The following TIMD4 variants were observed in gnomAD, a reference collection of about 807,000 sequenced individuals.
TIMD4 encodes T cell immunoglobulin and mucin domain containing 4.
Under a neutral mutation model 41.2 loss-of-function variants are expected in TIMD4, and 31 were observed. The observed-to-expected ratio is 0.75, with a 90% CI of 0.57 to 1.01. The LOEUF is 1.01. Ranked by LOEUF, TIMD4 falls within the 50% of genes least tolerant of loss-of-function variation. The pLI, the probability that TIMD4 is intolerant of heterozygous loss-of-function variation, is 0.00. For missense variants in TIMD4, 479 were observed against 472.5 expected (o/e 1.01, Z -0.13); for synonymous variants, 204 against 177.1 (o/e 1.15, Z -1.21).
intron 3 of TIMD4, among the ~76,000 whole-genome samples, chr5:156,950,396 CAAAGGA>C (rs1759830881): frequency 6.6e-6 from 1 of 151,824 alleles, no homozygotes; most frequent in African/African-American, 2.4e-5. Context: ...TTTTAAAACC[CAAAGGA>C]ATAAAAAAAT....
In TIMD4 at chr5:156,919,513, C is replaced by T. The variant is rs754189682; in HGVS notation, c.1081G>A (p.Val361Ile). 45 of 1,613,882 alleles carry T rather than the reference C, an allele frequency of 2.8e-5. No individual in the cohort carries two copies. Among genetic ancestry groups the T allele is most frequent in the South Asian group, 2.7e-4 (25 of 91,086 alleles). ...RLDYIGDSKN[V>I]LNDVQHGRED... Reference sequence around the variant, plus strand: ...CTTCCATGCTGCACGTCATTGAGGACATTTTTACTATCTCCAATGTAGTCT... The same window carrying T: ...CTTCCATGCTGCACGTCATTGAGGATATTTTTACTATCTCCAATGTAGTCT... The change falls in exon 9 of 9, where the codon GTC becomes ATC. Residue 361 changes from valine (V) to isoleucine (I), a missense_variant. Transcript: ENST00000274532.
chr5:156,951,857 T>C, intron 2 of TIMD4, 67 bp from the exon 3 acceptor site: 1 of 1,590,248 alleles, frequency 6.3e-7, no homozygotes, highest in Non-Finnish European at 8.6e-7. Context: ...AATGCAAGTA[T>C]ATCTGGGACC....
chr5:156,924,382 T>C, intron 6 of TIMD4: 1 of 393,380 alleles, frequency 2.5e-6, no homozygotes, highest in Non-Finnish European at 5.1e-6. Context: ...AAGCCAAAGA[T>C]GTAAAGTTTG....
chr5:156,929,628 A>G (rs1759412302), intron 5 of TIMD4, among the ~76,000 whole-genome samples: 1 of 152,216 alleles, frequency 6.6e-6, no homozygotes, highest in Non-Finnish European at 1.5e-5. Flanking sequence ...GAAGCTAGGA[A>G]GAGGCAAGGA....
intron 5 of TIMD4, among the ~76,000 whole-genome samples, chr5:156,948,023 G>A (rs929874999): frequency 6.6e-6 from 1 of 152,212 alleles, no homozygotes; most frequent in African/African-American, 2.4e-5. Context: ...TTTCAACAGA[G>A]GGACTTCAGA....
At chr5:156,939,075 C>T (rs887715707) in intron 5 of TIMD4, among the ~76,000 whole-genome samples, 3 of 152,184 alleles carry the variant, frequency 2.0e-5, no homozygotes, top group Non-Finnish European at 4.4e-5. Context: ...CACCTCTTCA[C>T]CTCTCTCTTC....
At chr5:156,955,075 T>C (rs957784450) in intron 1 of TIMD4, among the ~76,000 whole-genome samples, 1 of 152,100 alleles carries the variant, frequency 6.6e-6, no homozygotes, top group African/African-American at 2.4e-5. Flanking sequence ...AGACAGGGTT[T>C]CCCATGTTGC....
chr5:156,960,186 C>T (rs1293361816), intron 1 of TIMD4, among the ~76,000 whole-genome samples: 1 of 152,102 alleles, frequency 6.6e-6, no homozygotes, highest in Non-Finnish European at 1.5e-5. Context: ...CAGTGTCTTG[C>T]TAGTAGCAGG....
intron 5 of TIMD4, among the ~76,000 whole-genome samples, chr5:156,939,684 A>G (rs1759604360): frequency 6.6e-6 from 1 of 152,122 alleles, no homozygotes; most frequent in Non-Finnish European, 1.5e-5. Flanking sequence ...ACATTGACCC[A>G]TTCTCCCAAC....
chr5:156,926,091 A>G (rs181759977), intron 6 of TIMD4, among the ~76,000 whole-genome samples, 172 bp downstream of exon 6: 2 of 152,078 alleles, frequency 1.3e-5, no homozygotes, highest in Non-Finnish European at 2.9e-5. Context: ...TTTGATAGAG[A>G]TGGGGTTTTG....
chr5:156,931,697 T>C (rs1759447085), intron 5 of TIMD4, among the ~76,000 whole-genome samples: 2 of 152,220 alleles, frequency 1.3e-5, no homozygotes, highest in African/African-American at 2.4e-5. Context: ...ATGGGCACTC[T>C]GGTAAAATGA....
In TIMD4 at chr5:156,932,424, A is replaced by G. The variant is rs117099186; in HGVS notation, c.845-6112T>C. On this transcript the variant is annotated intron_variant, in intron 5 of 8. Coordinates refer to ENST00000274532, the MANE Select transcript of TIMD4 (RefSeq NM_138379.3). ...ACAGCCAAAAAAGGACACCCTCCAG[A>G]TCTAAAAGTACTGACATGGAAAGCT... Among the ~76,000 whole-genome samples, 11 of 152,332 alleles carry G rather than the reference A, an allele frequency of 7.2e-5. No individual in the cohort carries two copies. In the East Asian group the frequency reaches 1.7e-3, roughly 24 times the overall value.
intron 5 of TIMD4, among the ~76,000 whole-genome samples, chr5:156,934,714 C>CA (rs1043552941): frequency 1.4e-3 from 208 of 149,472 alleles, no homozygotes; most frequent in African/African-American, 3.9e-3. Context: ...CTGAATGACT[C>CA]AAAAAAAAAT....
intron 5 of TIMD4, 111 bp downstream of exon 5, chr5:156,948,305 T>C (rs1453695439): frequency 2.5e-5 from 13 of 514,464 alleles, no homozygotes; most frequent in Non-Finnish European, 2.9e-5. Context: ...CTGGGCAACA[T>C]GGTGAGAACT....
chr5:156,961,242 G>A (rs889207715), intron 1 of TIMD4, among the ~76,000 whole-genome samples: 9 of 152,164 alleles, frequency 5.9e-5, no homozygotes, highest in East Asian at 1.9e-4. Context: ...CATTGCTGGC[G>A]AGGACGCAAA....
At chr5:156,943,657 G>A (rs1176321705) in intron 5 of TIMD4, among the ~76,000 whole-genome samples, 2 of 152,162 alleles carry the variant, frequency 1.3e-5, no homozygotes, top group Non-Finnish European at 2.9e-5. Context: ...TAGTTATGTA[G>A]CTTTTTATGC....
In TIMD4 at chr5:156,951,778, G is replaced by A. The variant is rs373429027; in HGVS notation, c.413C>T (p.Thr138Met). ...TGTGGTGGTGGTTGCTGTTCTGTGC[G>A]TGGTTGTTGAGGCTGTAACCAACAA... is the stretch of plus-strand genomic sequence containing the variant. Reference protein sequence around the residue: ...RLNLQRASTTTHRTATTTTRR... With the variant: ...RLNLQRASTTMHRTATTTTRR... The change falls in exon 3 of 9, where the codon ACG becomes ATG. Residue 138 changes from threonine to methionine, a missense_variant. Thr to Met is a moderately conservative substitution (Grantham distance 81, BLOSUM62 -1). Transcript: ENST00000274532. The A allele has an allele frequency of 1.1e-4, 171 of 1,613,904 alleles. No individual in the cohort carries two copies. Among genetic ancestry groups the A allele is most frequent in the Non-Finnish European group, 1.2e-4 (144 of 1,180,016 alleles).
At chr5:156,944,229 T>C (rs1239444912) in intron 5 of TIMD4, among the ~76,000 whole-genome samples, 1 of 152,232 alleles carries the variant, frequency 6.6e-6, no homozygotes, top group Non-Finnish European at 1.5e-5. Context: ...TATCTGTTTG[T>C]GCTTGTACTT....
intron 2 of TIMD4, among the ~76,000 whole-genome samples, chr5:156,952,623 G>A (rs561674947): frequency 6.6e-6 from 1 of 152,160 alleles, no homozygotes; most frequent in Non-Finnish European, 1.5e-5. Flanking sequence ...GGTTACTTCT[G>A]CAAGGAGGCC....
Sources: gnomAD v4.1 joint callset for allele counts (sites outside exome capture counted in the v4.1 genomes callset) on GRCh38, gnomAD v4.1.1 for gene constraint, MANE v1.5 for transcripts, NCBI Gene and HGNC (gene_info 2026-07-23, HGNC 2026-07-21) for gene names.